The following CDH4 variants were observed in gnomAD, a reference collection of about 807,000 sequenced individuals.
CDH4 encodes the protein cadherin-4.
Under a neutral mutation model 86.0 loss-of-function variants are expected in CDH4, and 33 were observed. That is an observed-to-expected ratio of 0.38 (90% confidence interval 0.29 to 0.51). The LOEUF (loss-of-function observed/expected upper bound fraction) is 0.51. Ranked by LOEUF, CDH4 falls within the 20% of genes least tolerant of loss-of-function variation. The probability of loss-of-function intolerance (pLI) is 0.86; values close to 1 mark genes in which losing one functional copy is unlikely to be tolerated. For missense variants in CDH4, 1,114 were observed against 1,307.4 expected (o/e 0.85, Z 2.28); for synonymous variants, 555 against 549.4 (o/e 1.01, Z -0.14).
chr20:61,527,943 G>A (rs1194241999), intron 2 of CDH4, among the ~76,000 whole-genome samples: 1 of 152,156 alleles, frequency 6.6e-6, no homozygotes, highest in Admixed American at 6.5e-5. Context: ...TTTTGAGAGT[G>A]GTGATGTCCC....
At chr20:61,481,906 TC>T (rs2085570458) in intron 2 of CDH4, among the ~76,000 whole-genome samples, 1 of 152,224 alleles carries the variant, frequency 6.6e-6, no homozygotes, top group African/African-American at 2.4e-5. Context: ...GTTTTTCAGT[TC>T]CATACATATC....
chr20:61,591,933 G>A lies in CDH4; in HGVS notation c.170-151630G>A, dbSNP rs180947831. ...CAAACTTTCCAAAATTCTAAGTTTT[G>A]CTTGAAAGCTCTGTTTGTCCTTGCA... On this transcript the variant is annotated intron_variant, in intron 2 of 15. Transcript: ENST00000614565. 2.0e-5 allele frequency among the ~76,000 whole-genome samples: 3 copies of A among 152,292 alleles called. No individual in the cohort carries two copies. The East Asian group carries it at 5.8e-4, about 29-fold the overall frequency.
At chr20:61,321,235 C>A (rs572676593) in intron 2 of CDH4, among the ~76,000 whole-genome samples, 1 of 152,280 alleles carries the variant, frequency 6.6e-6, no homozygotes, top group South Asian at 2.1e-4. Context: ...CAAATTAGAA[C>A]AGTTAATTTC....
At chr20:61,822,754 C>T (rs184116370) in intron 4 of CDH4, among the ~76,000 whole-genome samples, 1 of 152,322 alleles carries the variant, frequency 6.6e-6, no homozygotes, top group Admixed American at 6.5e-5. Context: ...CCAAAGGGCA[C>T]TGAGTTCATC....
chr20:61,635,014 C>T (rs900408641), intron 2 of CDH4, among the ~76,000 whole-genome samples: 9 of 152,148 alleles, frequency 5.9e-5, no homozygotes, highest in Non-Finnish European at 1.2e-4. Context: ...TATGTAGAGG[C>T]GGCACTTTGC....
At position 61,646,700 on chromosome 20, in the gene CDH4, G is replaced by A. The variant is rs575686302; in HGVS notation, c.170-96863G>A. Among the ~76,000 whole-genome samples, 106 of 152,336 alleles carry A rather than the reference G, an allele frequency of 7.0e-4. 1 individual carries two copies. Among genetic ancestry groups the A allele is most frequent in the South Asian group, 2.1e-4 (1 of 4,828 alleles). On this transcript the variant is annotated intron_variant, in intron 2 of 15. Transcript: ENST00000614565. ...TCAGGCCTCGGCGCCCCGGCTGCTC[G>A]CCTGCCTCCCTGAGTCCCAGACACA...
Position 61,333,531 on chromosome 20 carries a change from C to T in CDH4, c.169+78594C>T, listed in dbSNP as rs189927601. Reference sequence around the variant, plus strand: ...GTTCCAGGAGGGGTGACTGCAGTGGCAGGTGCAGCCCTAAGAAGTGCAGTT... The same window carrying T: ...GTTCCAGGAGGGGTGACTGCAGTGGTAGGTGCAGCCCTAAGAAGTGCAGTT... On this transcript the variant is annotated intron_variant, in intron 2 of 15. Coordinates refer to ENST00000614565, the MANE Select transcript of CDH4 (RefSeq NM_001794.5). Among the ~76,000 whole-genome samples, 34 of 152,264 alleles carry T rather than the reference C, an allele frequency of 2.2e-4. No homozygotes were observed. In the East Asian group the frequency reaches 6.2e-3, roughly 28 times the overall value.
At chr20:61,613,103 C>T (rs1015254706) in intron 2 of CDH4, among the ~76,000 whole-genome samples, 3 of 151,974 alleles carry the variant, frequency 2.0e-5, no homozygotes, top group Admixed American at 1.3e-4. Context: ...GTGTTTGCCT[C>T]GTCTCTTCAT....
At chr20:61,494,433 A>G (rs983270233) in intron 2 of CDH4, among the ~76,000 whole-genome samples, 2 of 152,336 alleles carry the variant, frequency 1.3e-5, no homozygotes, top group African/African-American at 4.8e-5. Context: ...TTATCCTTTC[A>G]GTACTTAACA....
intron 11 of CDH4, among the ~76,000 whole-genome samples, chr20:61,927,614 G>C (rs370630036): frequency 6.6e-6 from 1 of 152,248 alleles, no homozygotes; most frequent in East Asian, 1.9e-4. Context: ...GCAAAACTCA[G>C]GGAGGCAAGG....
intron 6 of CDH4, among the ~76,000 whole-genome samples, chr20:61,853,685 G>C (rs1982847379): frequency 6.6e-6 from 1 of 152,166 alleles, no homozygotes; most frequent in Non-Finnish European, 1.5e-5. Context: ...TTAGAACCTG[G>C]GTGTCCACAT....
chr20:61,371,393 A>G (rs1031922359), intron 2 of CDH4, among the ~76,000 whole-genome samples: 12 of 152,196 alleles, frequency 7.9e-5, no homozygotes, highest in Non-Finnish European at 8.8e-5. Context: ...TGGACATTGA[A>G]TACCTCAATA....
rs190540364 is a variant in CDH4 at position 61,502,152 on chromosome 20, T to C, written c.170-241411T>C. Reference sequence around the variant, plus strand: ...AAAAAAGCAGTTGACGTGGACGATCTAACCTGAGAAACCATCATAGGAAAT... The same window carrying C: ...AAAAAAGCAGTTGACGTGGACGATCCAACCTGAGAAACCATCATAGGAAAT... On this transcript the variant is annotated intron_variant, in intron 2 of 15. Transcript: ENST00000614565. 3.3e-5 allele frequency among the ~76,000 whole-genome samples: 5 copies of C among 152,286 alleles called. No homozygotes were observed. The East Asian group carries it at 9.7e-4, about 29-fold the overall frequency.
chr20:61,538,503 C>T lies in CDH4; in HGVS notation c.170-205060C>T, dbSNP rs139683612. On this transcript the variant is annotated intron_variant, in intron 2 of 15. Coordinates refer to ENST00000614565, the MANE Select transcript of CDH4 (RefSeq NM_001794.5). ...CCTCATCCTTCCCTCCTCTCTCCTC[C>T]TACTCTGTGTACTTTCGCCTGGCCT... 2.0e-5 allele frequency among the ~76,000 whole-genome samples: 3 copies of T among 152,350 alleles called. No homozygotes were observed. In the East Asian group the frequency reaches 5.8e-4, roughly 29 times the overall value.
chr20:61,258,657 C>G (rs141910760), intron 2 of CDH4, among the ~76,000 whole-genome samples: 4 of 152,218 alleles, frequency 2.6e-5, no homozygotes, highest in African/African-American at 9.6e-5. Flanking sequence ...CTTACATAAC[C>G]GTGAGTGCAG....
intron 2 of CDH4, among the ~76,000 whole-genome samples, chr20:61,452,090 G>T (rs541850127): frequency 6.0e-4 from 92 of 152,286 alleles, no homozygotes; most frequent in Middle Eastern, 3.4e-3. Context: ...GGATTGTGAC[G>T]CTGGCTCAGC....
At chr20:61,277,699 A>G (rs1383927486) in intron 2 of CDH4, among the ~76,000 whole-genome samples, 1 of 152,254 alleles carries the variant, frequency 6.6e-6, no homozygotes, top group Non-Finnish European at 1.5e-5. Flanking sequence ...ATCAAAGTAA[A>G]GTAAGACAAG....
At chr20:61,730,521 A>G (rs921395769) in intron 2 of CDH4, among the ~76,000 whole-genome samples, 3 of 152,214 alleles carry the variant, frequency 2.0e-5, no homozygotes, top group Non-Finnish European at 4.4e-5. Context: ...GGGAAATGGA[A>G]CTTGTGCATT....
At chr20:61,465,330 A>G (rs1468771363) in intron 2 of CDH4, among the ~76,000 whole-genome samples, 1 of 152,170 alleles carries the variant, frequency 6.6e-6, no homozygotes, top group Non-Finnish European at 1.5e-5. Flanking sequence ...AGGTATGATA[A>G]TGGGGGAGGA....
Sources: gnomAD v4.1 joint callset for allele counts (sites outside exome capture counted in the v4.1 genomes callset) on GRCh38, gnomAD v4.1.1 for gene constraint, MANE v1.5 for transcripts, NCBI Gene and HGNC (gene_info 2026-07-23, HGNC 2026-07-21) for gene names.